ULK4: variants seen among roughly 807,000 people sequenced by gnomAD.
The protein encoded by ULK4 is inactive serine/threonine-protein kinase ULK4.
In ULK4, 133 loss-of-function variants were observed where a neutral mutation model predicts 160.6. That is an observed-to-expected ratio of 0.83 (90% confidence interval 0.72 to 0.96). The LOEUF is 0.96. Among genes scored for constraint, ULK4 ranks in the 40% least tolerant of loss-of-function variants. The pLI, the probability that ULK4 is intolerant of heterozygous loss-of-function variation, is 0.00. For synonymous variants in ULK4, 534 were observed against 539.8 expected (o/e 0.99, Z 0.15); for missense variants, 1,580 against 1,499.5 (o/e 1.05, Z -0.89).
At chr3:41,472,911 A>G (rs28838072) in intron 32 of ULK4, among the ~76,000 whole-genome samples, 50,933 of 152,078 alleles carry the variant, frequency 0.33, 8,774 homozygotes, top group South Asian at 0.38. Context: ...ATATATTAAG[A>G]GGTTCATTCA....
At chr3:41,276,582 T>C (rs950331843) in intron 35 of ULK4, among the ~76,000 whole-genome samples, 2 of 152,224 alleles carry the variant, frequency 1.3e-5, no homozygotes, top group Admixed American at 6.5e-5. Flanking sequence ...TCTTTTTTAG[T>C]ATATGACAGG....
intron 31 of ULK4, among the ~76,000 whole-genome samples, chr3:41,572,485 T>G (rs945141063): frequency 6.6e-6 from 1 of 151,688 alleles, no homozygotes; most frequent in African/African-American, 2.4e-5. Flanking sequence ...CACTGTAAGA[T>G]AAATAACCCA....
chr3:41,459,533 G>A (rs2083635054), intron 33 of ULK4, among the ~76,000 whole-genome samples: 2 of 152,138 alleles, frequency 1.3e-5, no homozygotes, highest in Admixed American at 1.3e-4. Context: ...CATTATCTAG[G>A]ATCTCATGGT....
At chr3:41,354,613 T>G (rs2080992185) in intron 35 of ULK4, among the ~76,000 whole-genome samples, 1 of 152,154 alleles carries the variant, frequency 6.6e-6, no homozygotes, top group African/African-American at 2.4e-5. Context: ...CTCTTTATTA[T>G]AGTTTCTGCT....
intron 2 of ULK4, among the ~76,000 whole-genome samples, chr3:41,950,665 A>C (rs1018470774): frequency 1.3e-5 from 2 of 151,908 alleles, no homozygotes; most frequent in Non-Finnish European, 2.9e-5. Flanking sequence ...CTGGGATTAC[A>C]GGTGTGAGCC....
intron 35 of ULK4, among the ~76,000 whole-genome samples, chr3:41,289,155 G>T (rs1441959690): frequency 6.6e-6 from 1 of 152,176 alleles, no homozygotes; most frequent in Admixed American, 6.5e-5. Flanking sequence ...ATTTGAATTG[G>T]TTTGTTTTGT....
chr3:41,526,988 A>C (rs2086141366), intron 32 of ULK4, among the ~76,000 whole-genome samples: 1 of 152,226 alleles, frequency 6.6e-6, no homozygotes, highest in South Asian at 2.1e-4. Context: ...CAAGGAAGCT[A>C]CCAGAATAGT....
At chr3:41,271,908 A>T (rs1168340264) in intron 35 of ULK4, among the ~76,000 whole-genome samples, 1 of 151,618 alleles carries the variant, frequency 6.6e-6, no homozygotes, top group East Asian at 1.9e-4. Context: ...CAGATTTCTT[A>T]TTTTTTACTT....
chr3:41,465,662 C>G lies in ULK4; in HGVS notation c.3227-2409G>C, dbSNP rs146919994. 4.1e-3 allele frequency among the ~76,000 whole-genome samples: 631 copies of G among 152,212 alleles called. 6 individuals carry two copies. The highest frequency in any genetic ancestry group is 0.011 in the African/African-American group (438 of 41,508). The stretch of plus-strand genomic sequence containing the variant: ...TTTCTCATGGAACTGTTCCTATATC[C>G]CTACATGTCCTGTAAATTGGTAATT... On this transcript the variant is annotated intron_variant, in intron 32 of 36. Transcript: ENST00000301831.
At chr3:41,765,174 A>G (rs970629454) in intron 21 of ULK4, among the ~76,000 whole-genome samples, 2 of 152,216 alleles carry the variant, frequency 1.3e-5, no homozygotes. Context: ...TCCATCAATG[A>G]TAGACTGGAT....
At position 41,753,746 on chromosome 3, in the gene ULK4, C is replaced by T. The variant is rs190123760; in HGVS notation, c.2321+615G>A. On this transcript the variant is annotated intron_variant, in intron 22 of 36. Transcript: ENST00000301831. Reference sequence around the variant, plus strand: ...GGTACAAACAAGAAACATCTCAACACCCTGCTTTGGATTGTTCTCAGATCT... The same window carrying T: ...GGTACAAACAAGAAACATCTCAACATCCTGCTTTGGATTGTTCTCAGATCT... Among the ~76,000 whole-genome samples the T allele has an allele frequency of 7.2e-4, 109 of 152,316 alleles. 1 individual carries two copies. The highest frequency in any genetic ancestry group is 6.8e-3 in the Middle Eastern group (2 of 294).
intron 35 of ULK4, among the ~76,000 whole-genome samples, chr3:41,262,376 C>A (rs1352973661): frequency 6.6e-6 from 1 of 152,232 alleles, no homozygotes; most frequent in East Asian, 1.9e-4. Context: ...TTTCCACTGA[C>A]ATTTCCAGAT....
In ULK4 at chr3:41,396,623, G is replaced by A. The variant is rs2082067537; in HGVS notation, c.3678+1456C>T. 1.3e-5 allele frequency among the ~76,000 whole-genome samples: 2 copies of A among 152,104 alleles called. 1 individual carries two copies. Among genetic ancestry groups the A allele is most frequent in the Admixed American group, 1.3e-4 (2 of 15,252 alleles). ...AAAAGGGAAATTCTGAAGGATTAGA[G>A]GGGTGTTAAAGACACAACAACTGAG... is the stretch of plus-strand genomic sequence containing the variant. On this transcript the variant is annotated intron_variant, in intron 35 of 36. Coordinates refer to ENST00000301831, the MANE Select transcript of ULK4 (RefSeq NM_017886.4).
chr3:41,699,984 G>A (rs1172232666), intron 27 of ULK4, among the ~76,000 whole-genome samples: 3 of 152,074 alleles, frequency 2.0e-5, no homozygotes, highest in East Asian at 3.8e-4. Flanking sequence ...ATTAACCATA[G>A]GTTATTGCTC....
chr3:41,860,518 G>A (rs892103384), intron 17 of ULK4, among the ~76,000 whole-genome samples: 22 of 152,200 alleles, frequency 1.4e-4, no homozygotes, highest in Middle Eastern at 6.8e-3. Flanking sequence ...GAAATCTATT[G>A]TATGTAATGT....
At chr3:41,449,200 G>A (rs1365969546) in intron 34 of ULK4, among the ~76,000 whole-genome samples, 1 of 151,834 alleles carries the variant, frequency 6.6e-6, no homozygotes, top group African/African-American at 2.4e-5. Flanking sequence ...TTACAGTTGT[G>A]AGCCACCATG....
chr3:41,879,498 T>A lies in ULK4; in HGVS notation c.1656+4376A>T, dbSNP rs1359726481. On this transcript the variant is annotated intron_variant, in intron 17 of 36. Transcript: ENST00000301831. Reference sequence around the variant, plus strand: ...ATATATGTTGAAATTTTCCATAATTTAAAAAAAAAAAATTTGAGACAGGGT... The same window carrying A: ...ATATATGTTGAAATTTTCCATAATTAAAAAAAAAAAAATTTGAGACAGGGT... Among the ~76,000 whole-genome samples the A allele has an allele frequency of 9.5e-5, 14 of 147,104 alleles. No homozygotes were observed. In the East Asian group the frequency reaches 1.2e-3, roughly 13 times the overall value.
intron 35 of ULK4, among the ~76,000 whole-genome samples, chr3:41,297,850 T>C (rs553996591): frequency 2.0e-5 from 3 of 152,216 alleles, no homozygotes; most frequent in Non-Finnish European, 4.4e-5. Flanking sequence ...AATGCATTAT[T>C]ACATTTCAGA....
At chr3:41,665,392 G>A (rs762245052) in intron 29 of ULK4, among the ~76,000 whole-genome samples, 2 of 152,106 alleles carry the variant, frequency 1.3e-5, no homozygotes, top group African/African-American at 4.8e-5. Context: ...ATAGTCTGTG[G>A]AGCATTTAAT....
Sources: gnomAD v4.1 joint callset for allele counts (sites outside exome capture counted in the v4.1 genomes callset) on GRCh38, gnomAD v4.1.1 for gene constraint, MANE v1.5 for transcripts, NCBI Gene and HGNC (gene_info 2026-07-23, HGNC 2026-07-21) for gene names.